Variants in DNAH8 observed in about 807,000 individuals in gnomAD.
DNAH8 encodes the protein dynein axonemal heavy chain 8.
Under a neutral mutation model 562.1 loss-of-function variants are expected in DNAH8, and 382 were observed. The ratio of observed to expected loss-of-function variants is 0.68; its 90% CI spans 0.63 to 0.74. The LOEUF is 0.74. Ranked by LOEUF, DNAH8 falls within the 30% of genes least tolerant of loss-of-function variation. The pLI, the probability that DNAH8 is intolerant of heterozygous loss-of-function variation, is 0.00. For missense variants in DNAH8, 5,203 were observed against 5,620.4 expected (o/e 0.93, Z 2.37); for synonymous variants, 1,881 against 1,919.4 (o/e 0.98, Z 0.52).
rs750478940 is a variant in DNAH8, at chr6:38,883,959, T to A, written c.8220T>A (p.Asp2740Glu). 8 of 1,586,356 alleles carry A rather than the reference T, an allele frequency of 5.0e-6. No individual in the cohort carries two copies. The highest frequency in any genetic ancestry group is 6.9e-6 in the Non-Finnish European group (8 of 1,164,662). Residue 2740 changes from aspartate (D) to glutamate (E), a missense_variant, in exon 56 of 93, where the codon GAT becomes GAA. Around this residue, in one of 6 missense-constraint regions of DNAH8, gnomAD observed 977 missense variants for 1,061.8 expected, o/e 0.92. Coordinates refer to ENST00000327475, the MANE Select transcript of DNAH8 (RefSeq NM_001206927.2). ...GGAGAAAAATGACTGTATTTATTGATGATATTAATATGCCTGTGATTAATG... is the reference window on the plus strand; with the variant it reads ...GGAGAAAAATGACTGTATTTATTGAAGATATTAATATGCCTGTGATTAATG... The part of the protein sequence containing the change: ...PGGRKMTVFI[D>E]DINMPVINEW...
chr6:39,024,347 C>G (rs1243558333), intron 91 of DNAH8, among the ~76,000 whole-genome samples: 1 of 152,042 alleles, frequency 6.6e-6, no homozygotes, highest in Admixed American at 6.6e-5. Context: ...ATTCCAAGTC[C>G]ACAAAACCCT....
chr6:38,770,339 T>C (rs9366978), intron 11 of DNAH8, 74 bp from the exon 12 acceptor site: 1 of 911,824 alleles, frequency 1.1e-6, no homozygotes, highest in East Asian at 2.5e-5. Context: ...TGTGTGAGGG[T>C]AGAGTTTTTG....
chr6:38,742,802 A>G (rs140593001), intron 8 of DNAH8, among the ~76,000 whole-genome samples: 1 of 151,994 alleles, frequency 6.6e-6, no homozygotes, highest in East Asian at 1.9e-4. Context: ...TTTTTCCTCA[A>G]CATCTTCTGT....
chr6:38,872,001 C>T (rs2150432240), intron 49 of DNAH8, among the ~76,000 whole-genome samples: 1 of 152,342 alleles, frequency 6.6e-6, no homozygotes, highest in Admixed American at 6.5e-5. Flanking sequence ...TGCTTGGCTT[C>T]TTCCCATTCC....
chr6:38,738,541 A>T (rs970158182), intron 7 of DNAH8, among the ~76,000 whole-genome samples: 15 of 152,206 alleles, frequency 9.9e-5, no homozygotes, highest in African/African-American at 3.6e-4. Context: ...AGAAAATCGG[A>T]TATTACATAA....
intron 76 of DNAH8, chr6:38,932,890 A>G (rs1782664702): frequency 6.6e-6 from 1 of 152,354 alleles, no homozygotes; most frequent in African/African-American, 2.4e-5. Flanking sequence ...GCTCATAGAC[A>G]GTTACCACAG....
intron 88 of DNAH8, among the ~76,000 whole-genome samples, chr6:38,997,301 C>G (rs1168734944): frequency 6.6e-6 from 1 of 152,124 alleles, no homozygotes; most frequent in East Asian, 1.9e-4. Context: ...TTGCTGTTCC[C>G]CCACCGGCCA....
chr6:38,887,260 A>G lies in DNAH8; in HGVS notation c.8473+256A>G, dbSNP rs138343338. ...AAGGAACCTTGGTGTTTTGGTTTTCAGGACATGGTTAATCAGAGAAATTTG... is the reference window on the plus strand; with the variant it reads ...AAGGAACCTTGGTGTTTTGGTTTTCGGGACATGGTTAATCAGAGAAATTTG... On this transcript the variant is annotated intron_variant, in intron 57 of 92. Coordinates refer to ENST00000327475, the MANE Select transcript of DNAH8 (RefSeq NM_001206927.2). 1.2e-3 allele frequency among the ~76,000 whole-genome samples: 183 copies of G among 152,316 alleles called. 1 individual carries two copies. The highest frequency in any genetic ancestry group is 4.1e-3 in the African/African-American group (171 of 41,578).
chr6:38,963,664 C>G (rs1231912118), intron 82 of DNAH8, among the ~76,000 whole-genome samples: 8 of 118,388 alleles, frequency 6.8e-5, no homozygotes, highest in Non-Finnish European at 1.0e-4. Flanking sequence ...CCACAGCTGG[C>G]CTGGGAAAGT....
chr6:38,862,248 C>T (rs756366334), intron 43 of DNAH8, 32 bp from the exon 44 acceptor site: 1 of 1,592,508 alleles, frequency 6.3e-7, no homozygotes, highest in South Asian at 1.1e-5. Flanking sequence ...TCATCCCATA[C>T]TCACAATGCT....
chr6:38,859,191 C>T (rs1329383635), intron 42 of DNAH8, among the ~76,000 whole-genome samples: 1 of 152,208 alleles, frequency 6.6e-6, no homozygotes, highest in Non-Finnish European at 1.5e-5. Context: ...TCTCCACCTC[C>T]TCCTTACCAT....
intron 3 of DNAH8, 27 bp from the exon 4 acceptor site, chr6:38,729,871 TTTGA>T: frequency 1.7e-6 from 2 of 1,199,368 alleles, no homozygotes; most frequent in African/African-American, 3.0e-5. Context: ...TCCTTAGTCG[TTTGA>T]TTATCATTTT....
At chr6:38,940,414 A>T (rs767923895) in intron 79 of DNAH8, among the ~76,000 whole-genome samples, 1 of 152,114 alleles carries the variant, frequency 6.6e-6, no homozygotes, top group Non-Finnish European at 1.5e-5. Context: ...GGATTGCTGG[A>T]TGTGATTTTA....
chr6:38,730,331 C>T (rs1763565258), intron 4 of DNAH8, among the ~76,000 whole-genome samples: 1 of 152,214 alleles, frequency 6.6e-6, no homozygotes, highest in South Asian at 2.1e-4. Flanking sequence ...AGCCCTGCAG[C>T]TACCCCCTGT....
intron 88 of DNAH8, among the ~76,000 whole-genome samples, chr6:39,000,272 T>C (rs1474600289): frequency 6.6e-6 from 1 of 152,200 alleles, no homozygotes; most frequent in East Asian, 1.9e-4. Flanking sequence ...TCAGGGTATG[T>C]ATACATTGCT....
In DNAH8 at chr6:38,870,405, A is replaced by G. The variant is rs777130552; in HGVS notation, c.6833A>G (p.Asp2278Gly). The G allele has an allele frequency of 1.7e-5, 28 of 1,612,354 alleles. No homozygotes were observed. The highest frequency in any genetic ancestry group is 2.2e-5 in the Non-Finnish European group (26 of 1,179,298). The change falls in exon 49 of 93, where the codon GAT becomes GGT. Residue 2278 changes from aspartate (D) to glycine (G), a missense_variant. Asp to Gly is a moderately conservative substitution (Grantham distance 94). Coordinates refer to ENST00000327475, the MANE Select transcript of DNAH8 (RefSeq NM_001206927.2). ...LRDMNLSKLVDEDEPLFLSLI... is the reference protein window; with the variant it reads ...LRDMNLSKLVGEDEPLFLSLI... ...TTTTAAACTATGCCACCTTAGGTTG[A>G]TGAAGATGAACCCCTGTTCCTCAGC...
At chr6:38,944,229 T>G (rs1356794369) in intron 79 of DNAH8, among the ~76,000 whole-genome samples, 1 of 152,188 alleles carries the variant, frequency 6.6e-6, no homozygotes, top group Admixed American at 6.5e-5. Flanking sequence ...ACCTGCTCTG[T>G]CTCCAGGTTG....
intron 88 of DNAH8, among the ~76,000 whole-genome samples, chr6:38,992,901 C>T (rs1412267): frequency 0.41 from 61,745 of 152,004 alleles, 12,915 homozygotes; most frequent in East Asian, 0.59. Flanking sequence ...TTCATACGCT[C>T]CATCGAGATC....
At chr6:38,797,432 G>C (rs1417074225) in intron 21 of DNAH8, among the ~76,000 whole-genome samples, 1 of 152,186 alleles carries the variant, frequency 6.6e-6, no homozygotes, top group Non-Finnish European at 1.5e-5. Flanking sequence ...ACCAGGGTTT[G>C]TGCATGTTTT....
Sources: gnomAD v4.1 joint callset for allele counts (sites outside exome capture counted in the v4.1 genomes callset) on GRCh38, gnomAD v4.1.1 for gene constraint, gnomAD v4.1.1 regional missense constraint, MANE v1.5 for transcripts, NCBI Gene and HGNC (gene_info 2026-07-23, HGNC 2026-07-21) for gene names.